Variants in EPHA5 observed in about 807,000 individuals in gnomAD.
EPHA5 encodes EPH receptor A5.
In EPHA5, 60 loss-of-function variants were observed where a neutral mutation model predicts 105.0. That is an observed-to-expected ratio of 0.57 (90% CI 0.46 to 0.71). EPHA5 has a LOEUF of 0.71. Ranked by LOEUF, EPHA5 falls within the 30% of genes least tolerant of loss-of-function variation. EPHA5 has a pLI of 0.00. For synonymous variants in EPHA5, 513 were observed against 449.1 expected, an observed-to-expected ratio of 1.14 and a Z score of -1.80; for missense variants, 1,218 against 1,274.7, an observed-to-expected ratio of 0.96 and a Z score of 0.68.
chr4:65,402,204 G>A (rs10007156), intron 8 of EPHA5, among the ~76,000 whole-genome samples: 10,647 of 151,934 alleles, frequency 0.07, 591 homozygotes, highest in African/African-American at 0.15. Flanking sequence ...ATGATTATGA[G>A]TTTCCTGAGA....
chr4:65,665,410 A>G (rs112115738), intron 1 of EPHA5, among the ~76,000 whole-genome samples: 169 of 152,178 alleles, frequency 1.1e-3, no homozygotes, highest in Non-Finnish European at 2.0e-3. Flanking sequence ...AAGTTTGGAA[A>G]TGTTTGCTAT....
intron 3 of EPHA5, among the ~76,000 whole-genome samples, chr4:65,587,928 AAC>A (rs1742279034): frequency 6.6e-6 from 1 of 152,128 alleles, no homozygotes; most frequent in South Asian, 2.1e-4. Context: ...CTCCTACAAC[AAC>A]AGATTAAGCT....
intron 5 of EPHA5, among the ~76,000 whole-genome samples, chr4:65,449,416 T>G (rs1470384148): frequency 6.6e-6 from 1 of 152,186 alleles, no homozygotes; most frequent in Non-Finnish European, 1.5e-5. Context: ...TGAAAACTTC[T>G]GCCACAGAAT....
chr4:65,509,394 G>A (rs952804132), intron 3 of EPHA5, among the ~76,000 whole-genome samples: 8 of 152,022 alleles, frequency 5.3e-5, no homozygotes, highest in African/African-American at 1.9e-4. Flanking sequence ...GTCTATATTT[G>A]TGTCCTAGCT....
chr4:65,585,705 C>G (rs769406813), intron 3 of EPHA5, among the ~76,000 whole-genome samples: 2 of 151,686 alleles, frequency 1.3e-5, no homozygotes, highest in Non-Finnish European at 2.9e-5. Context: ...GTGTATCTCT[C>G]CTTTATATAG....
At chr4:65,400,879 G>A (rs890993379) in intron 8 of EPHA5, among the ~76,000 whole-genome samples, 1 of 151,940 alleles carries the variant, frequency 6.6e-6, no homozygotes, top group African/African-American at 2.4e-5. Context: ...ATTTTGCAAT[G>A]TATCAAAATA....
At chr4:65,389,254 G>T (rs377726409) in intron 8 of EPHA5, among the ~76,000 whole-genome samples, 4 of 151,974 alleles carry the variant, frequency 2.6e-5, no homozygotes, top group Admixed American at 6.6e-5. Flanking sequence ...TAGCATTGTG[G>T]TGCTGGCATA....
chr4:65,495,296 G>T (rs1731811119), intron 4 of EPHA5, 92 bp downstream of exon 4: 2 of 1,306,324 alleles, frequency 1.5e-6, no homozygotes, highest in Non-Finnish European at 2.1e-6. Flanking sequence ...TGTTTTAGGG[G>T]GAAATGTTAC....
At chr4:65,572,854 A>C (rs1220998793) in intron 3 of EPHA5, among the ~76,000 whole-genome samples, 1 of 151,054 alleles carries the variant, frequency 6.6e-6, no homozygotes, top group African/African-American at 2.4e-5. Flanking sequence ...AACATAGCGA[A>C]ACCCCGTCTC....
chr4:65,524,500 A>G (rs1009506375), intron 3 of EPHA5, among the ~76,000 whole-genome samples: 28 of 151,788 alleles, frequency 1.8e-4, no homozygotes, highest in African/African-American at 5.8e-4. Context: ...TCTCCAAACT[A>G]TAAGTTCCTA....
At chr4:65,519,229 AAATC>A (rs1734423367) in intron 3 of EPHA5, among the ~76,000 whole-genome samples, 1 of 152,160 alleles carries the variant, frequency 6.6e-6, no homozygotes, top group Non-Finnish European at 1.5e-5. Flanking sequence ...TAAATAATGC[AAATC>A]AATAACTGTA....
At chr4:65,408,926 A>G (rs1006191838) in intron 7 of EPHA5, among the ~76,000 whole-genome samples, 4 of 152,020 alleles carry the variant, frequency 2.6e-5, no homozygotes, top group Non-Finnish European at 5.9e-5. Context: ...AATAGCAAAG[A>G]CTTGAACCAA....
At chr4:65,418,904 A>G (rs183195921) in intron 6 of EPHA5, among the ~76,000 whole-genome samples, 1,659 of 45,804 alleles carry the variant, frequency 0.036, 42 homozygotes, top group African/African-American at 0.14. Context: ...TTGCTTCGAG[A>G]CTGAGTTTTG....
At chr4:65,587,895 C>T (rs1010563292) in intron 3 of EPHA5, among the ~76,000 whole-genome samples, 3 of 152,124 alleles carry the variant, frequency 2.0e-5, no homozygotes, top group African/African-American at 7.2e-5. Flanking sequence ...GGGTGCCTCC[C>T]TCTCATGTGC....
intron 3 of EPHA5, among the ~76,000 whole-genome samples, chr4:65,522,074 G>A (rs938994350): frequency 1.2e-4 from 18 of 151,622 alleles, no homozygotes; most frequent in Admixed American, 2.6e-4. Context: ...ATCTTTAGCC[G>A]ACAGAAAAAA....
intron 3 of EPHA5, among the ~76,000 whole-genome samples, chr4:65,591,434 T>G (rs544449780): frequency 6.6e-6 from 1 of 151,948 alleles, no homozygotes; most frequent in Non-Finnish European, 1.5e-5. Flanking sequence ...TTAGGAGTAT[T>G]TATGCTAAAA....
intron 3 of EPHA5, among the ~76,000 whole-genome samples, chr4:65,531,023 TATTTTTTTTA>T (rs1735731065): frequency 1.3e-5 from 2 of 148,528 alleles, no homozygotes; most frequent in African/African-American, 5.0e-5. Flanking sequence ...TTATTTTTTT[TATTTTTTTTA>T]TTTTTTTATT....
chr4:65,601,329 G>A (rs1012460656), intron 3 of EPHA5, among the ~76,000 whole-genome samples: 1 of 152,160 alleles, frequency 6.6e-6, no homozygotes, highest in African/African-American at 2.4e-5. Context: ...ATTATACAAT[G>A]AAGGTTACTA....
Position 65,490,516 on chromosome 4 carries a change from C to T in EPHA5, c.1263G>A (p.Leu421=), listed in dbSNP as rs773391802. The T allele has an allele frequency of 2.4e-5, 38 of 1,614,156 alleles. No homozygotes were observed. The highest frequency in any genetic ancestry group is 3.1e-5 in the Non-Finnish European group (36 of 1,180,026). ...CCACCATCATGACAGAGGTGTTTTTCAGGCCGCTTTGCCGGGGAAGGTACC... is the reference window on the plus strand; with the variant it reads ...CCACCATCATGACAGAGGTGTTTTTTAGGCCGCTTTGCCGGGGAAGGTACC... ...HVRYLPRQSG[L]KNTSVMMVDL... is the part of the protein sequence containing the mutation. Residue 421 remains leucine, a synonymous_variant, in exon 5 of 17, where the codon CTG becomes CTA. Coordinates refer to ENST00000613740, the MANE Select transcript of EPHA5 (RefSeq NM_001281766.3).
Sources: allele counts gnomAD v4.1 joint callset (sites outside exome capture counted in the v4.1 genomes callset), GRCh38; gene constraint gnomAD v4.1.1; transcripts MANE v1.5; gene names NCBI Gene and HGNC (gene_info 2026-07-23, HGNC 2026-07-21).